CCDC88A: variants seen among roughly 807,000 people sequenced by gnomAD.
The protein encoded by CCDC88A is coiled-coil and HOOK domain protein 88A.
A neutral mutation model predicts 234.3 loss-of-function variants in CCDC88A; 54 were observed. The observed-to-expected ratio is 0.23, with a 90% confidence interval of 0.19 to 0.29. The LOEUF is 0.29. Among genes scored for constraint, CCDC88A ranks in the 10% least tolerant of loss-of-function variants. The probability of loss-of-function intolerance (pLI) is 1.00; values close to 1 mark genes in which losing one functional copy is unlikely to be tolerated. For missense variants in CCDC88A, 1,832 were observed against 2,123.4 expected, an observed-to-expected ratio of 0.86 and a Z score of 2.70; for synonymous variants, 753 against 737.8, an observed-to-expected ratio of 1.02 and a Z score of -0.33.
chr2:55,363,894 A>G, intron 6 of CCDC88A, 56 bp downstream of exon 6: 2 of 944,562 alleles, frequency 2.1e-6, no homozygotes, highest in Non-Finnish European at 3.3e-6. Flanking sequence ...GAGATAGACA[A>G]ATAAACACAC....
Position 55,301,930 on chromosome 2 carries a change from G to A in CCDC88A, c.4614C>T (p.Asn1538=), listed in dbSNP as rs1269013856. 1 of 1,614,140 alleles carries A rather than the reference G, an allele frequency of 6.2e-7. No homozygotes were observed. The change falls in exon 27 of 33, where the codon AAC becomes AAT. Residue 1538 remains asparagine, a synonymous_variant. Coordinates refer to ENST00000436346, the MANE Select transcript of CCDC88A (RefSeq NM_001365480.1). The part of the protein sequence containing the change: ...GAMAFSTTAI[N]FSTVNSSAGF... ...CTGCAGAAGAGTTGACAGTTGAAAA[G>A]TTGATGGCTGTAGTAGAGAAGGCCA...
intron 2 of CCDC88A, among the ~76,000 whole-genome samples, chr2:55,407,251 A>C (rs138308332): frequency 6.6e-6 from 1 of 151,876 alleles, no homozygotes; most frequent in Non-Finnish European, 1.5e-5. Flanking sequence ...AAAATTTTCC[A>C]TGAAGGACTA....
At chr2:55,401,433 C>CAAAAAAAAAAAAAAAAAAAA (rs1418741634) in intron 2 of CCDC88A, among the ~76,000 whole-genome samples, 1 of 30,146 alleles carries the variant, frequency 3.3e-5, no homozygotes, top group Non-Finnish European at 5.3e-5. Context: ...GACTCTGTCT[C>CAAAAAAAAAAAAAAAAAAAA]CAAAAAAAAA....
intron 2 of CCDC88A, among the ~76,000 whole-genome samples, chr2:55,393,930 G>T (rs572665495): frequency 6.6e-6 from 1 of 152,168 alleles, no homozygotes; most frequent in South Asian, 2.1e-4. Flanking sequence ...CTGAATGGGT[G>T]CTGAACTTTA....
intron 2 of CCDC88A, among the ~76,000 whole-genome samples, chr2:55,391,591 G>A (rs889133019): frequency 6.6e-6 from 1 of 152,106 alleles, no homozygotes; most frequent in East Asian, 1.9e-4. Context: ...AACTCAAATG[G>A]GACTTCTGAA....
chr2:55,387,813 G>GAAA (rs1013635895), intron 3 of CCDC88A, among the ~76,000 whole-genome samples: 1 of 137,866 alleles, frequency 7.3e-6, no homozygotes, highest in Non-Finnish European at 1.6e-5. Flanking sequence ...AAAGAAAAAA[G>GAAA]AAAAAAAAAT....
Position 55,334,349 on chromosome 2 carries a change from A to C in CCDC88A, c.2472T>G (p.Thr824=), listed in dbSNP as rs1685248310. The part of the protein sequence containing the change: ...EKENKSLEQE[T]SQLEKDKKQL... Reference sequence around the variant, plus strand: ...GTTTCTTATCCTTTTCCAGTTGAGAAGTCTCTTGCTCTAATGATTTATTTT... The same window carrying C: ...GTTTCTTATCCTTTTCCAGTTGAGACGTCTCTTGCTCTAATGATTTATTTT... Residue 824 remains threonine, a synonymous_variant, in exon 15 of 33, where the codon ACT becomes ACG. Transcript: ENST00000436346. The surrounding 1 kb of genome is among the most constrained non-coding windows in gnomAD (Gnocchi z 6.1). 1 of 1,524,324 alleles carries C rather than the reference A, an allele frequency of 6.6e-7. No homozygotes were observed. The highest frequency in any genetic ancestry group is 8.7e-7 in the Non-Finnish European group (1 of 1,144,230). 94.4% of individuals were successfully genotyped at this position (1,524,324 alleles called of 1,614,324 possible).
intron 2 of CCDC88A, among the ~76,000 whole-genome samples, chr2:55,401,825 G>C (rs1386363977): frequency 2.6e-5 from 4 of 152,026 alleles, no homozygotes; most frequent in South Asian, 2.1e-4. Flanking sequence ...ACATTTTCTA[G>C]TTAGCCCAAG....
rs70954111 is a variant in CCDC88A, at chr2:55,384,590, C to CATATAT, written c.273+4187_273+4188insATATAT. On this transcript the variant is annotated intron_variant, in intron 3 of 32. Coordinates refer to ENST00000436346, the MANE Select transcript of CCDC88A (RefSeq NM_001365480.1). ...ATATACGTATATATGTGTATATATA[C>CATATAT]ACATATATACGTATATATGTGTATA... 1.0e-3 allele frequency among the ~76,000 whole-genome samples: 2 copies of CATATAT among 1,950 alleles called. 1 individual carries two copies. The highest frequency in any genetic ancestry group is 2.3e-3 in the African/African-American group (2 of 864). The allele number at this position is 1,950 out of a possible 152,430, so 1.3% of individuals were successfully genotyped here. A position where few individuals can be genotyped will look rare whatever the true frequency, so the allele number is the denominator to read the frequency against.
chr2:55,413,047 A>T (rs1176525419), intron 2 of CCDC88A, among the ~76,000 whole-genome samples: 5 of 152,072 alleles, frequency 3.3e-5, no homozygotes. Flanking sequence ...CTATAAAAAA[A>T]ATTTTAAAAA....
At chr2:55,325,704 A>G (rs1684175133) in intron 17 of CCDC88A, among the ~76,000 whole-genome samples, 1 of 152,184 alleles carries the variant, frequency 6.6e-6, no homozygotes, top group Non-Finnish European at 1.5e-5. Flanking sequence ...TTGAGAGATG[A>G]GTATTGAACT....
Position 55,328,659 on chromosome 2 carries a change from G to C in CCDC88A, c.2856-224C>G. On this transcript the variant is annotated intron_variant, in intron 16 of 32. Transcript: ENST00000436346. The surrounding 1 kb of genome is among the most constrained non-coding windows in gnomAD (Gnocchi z 4.3). ...TGAGTGAACAGAGCTCCGGATTATG[G>C]CTTAGATTATCAAAAGCAATAATTA... The C allele has an allele frequency of 3.1e-6, 1 of 317,662 alleles. No homozygotes were observed. The allele number at this position is 317,662 out of a possible 1,614,324, so 19.7% of individuals were successfully genotyped here.
At chr2:55,382,354 A>G (rs954438296) in intron 3 of CCDC88A, among the ~76,000 whole-genome samples, 5 of 152,214 alleles carry the variant, frequency 3.3e-5, no homozygotes. Flanking sequence ...ATTTCCTAAT[A>G]AATTTCCTAA....
intron 3 of CCDC88A, among the ~76,000 whole-genome samples, chr2:55,388,310 A>G (rs1412139764): frequency 6.6e-6 from 1 of 152,218 alleles, no homozygotes; most frequent in Non-Finnish European, 1.5e-5. Flanking sequence ...TAGAAAATGC[A>G]TAGAAATAAT....
chr2:55,418,950 C>T (rs898475003), intron 1 of CCDC88A, 34 bp from the exon 2 acceptor site: 5 of 1,595,722 alleles, frequency 3.1e-6, no homozygotes, highest in Non-Finnish European at 4.3e-6. Flanking sequence ...ACGACATGAA[C>T]GCCCACCTCC....
chr2:55,418,076 C>G (rs963426036), intron 2 of CCDC88A: 11 of 152,124 alleles, frequency 7.2e-5, no homozygotes, highest in Non-Finnish European at 1.6e-4. Flanking sequence ...TATACTTTCA[C>G]TATTCAATTC....
At position 55,309,669 on chromosome 2, in the gene CCDC88A, T is replaced by G. The variant is rs891665173; in HGVS notation, c.4080-415A>C. ...ATGCATGAGTCATCGCATCCTAGTC[T>G]CATTGTTATATTCTCAGTAGTATTT... On this transcript the variant is annotated intron_variant, in intron 23 of 32. Transcript: ENST00000436346. The surrounding 1 kb of genome is among the most constrained non-coding windows in gnomAD (Gnocchi z 5.1). 6.6e-6 allele frequency among the ~76,000 whole-genome samples: 1 copy of G among 152,190 alleles called. No homozygotes were observed. The highest frequency in any genetic ancestry group is 1.5e-5 in the Non-Finnish European group (1 of 68,020).
chr2:55,413,489 C>T (rs1680835910), intron 2 of CCDC88A, among the ~76,000 whole-genome samples: 1 of 152,182 alleles, frequency 6.6e-6, no homozygotes, highest in African/African-American at 2.4e-5. Context: ...ACAGCTAGAA[C>T]TGAACCCAAG....
chr2:55,319,034 A>C, intron 18 of CCDC88A, 30 bp from the exon 19 acceptor site: 1 of 1,581,050 alleles, frequency 6.3e-7, no homozygotes, highest in South Asian at 1.1e-5. Context: ...AACCAAACAT[A>C]TTAACAATAA....
Sources: allele counts gnomAD v4.1 joint callset (sites outside exome capture counted in the v4.1 genomes callset), GRCh38; gene constraint gnomAD v4.1.1; non-coding constraint Gnocchi (gnomAD v3.1); transcripts MANE v1.5; gene names NCBI Gene and HGNC (gene_info 2026-07-23, HGNC 2026-07-21).